SORCS3: variants seen among roughly 807,000 people sequenced by gnomAD.
SORCS3 encodes the protein sortilin related VPS10 domain containing receptor 3.
In SORCS3, 57 loss-of-function variants were observed where a neutral mutation model predicts 146.3. The ratio of observed to expected loss-of-function variants is 0.39; its 90% CI spans 0.31 to 0.49. SORCS3 has a LOEUF of 0.49. Among genes scored for constraint, SORCS3 ranks in the 20% least tolerant of loss-of-function variants. The pLI, the probability that SORCS3 is intolerant of heterozygous loss-of-function variation, is 0.92. For missense variants in SORCS3, 1,341 were observed against 1,575.5 expected (o/e 0.85, Z 2.52); for synonymous variants, 653 against 618.5 (o/e 1.06, Z -0.83).
chr10:105,056,547 A>G (rs1407738088), intron 5 of SORCS3, among the ~76,000 whole-genome samples: 1 of 152,182 alleles, frequency 6.6e-6, no homozygotes, highest in Non-Finnish European at 1.5e-5. Context: ...GTGCAAGAGA[A>G]TGGCATGATA....
intron 3 of SORCS3, among the ~76,000 whole-genome samples, chr10:104,940,238 A>ATATATATATATATATATATTT (rs1435205868): frequency 1.3e-4 from 4 of 31,518 alleles, no homozygotes; most frequent in Non-Finnish European, 2.4e-4. Flanking sequence ...ATATATATAT[A>ATATATATATATATATATATTT]TTTTTTTTTT....
chr10:105,087,178 A>G (rs1192922788), intron 5 of SORCS3, among the ~76,000 whole-genome samples: 6 of 152,174 alleles, frequency 3.9e-5, no homozygotes, highest in Non-Finnish European at 8.8e-5. Flanking sequence ...CAATTTATTA[A>G]ATAGGGAATC....
At position 104,945,566 on chromosome 10, in the gene SORCS3, CTT is replaced by C. The variant is rs10707282; in HGVS notation, c.795+29650_795+29651del. On this transcript the variant is annotated intron_variant, in intron 3 of 26. Coordinates refer to ENST00000369701, the MANE Select transcript of SORCS3 (RefSeq NM_014978.3). Reference sequence around the variant, plus strand: ...GAACCACTGTGCCCAGCCTAATGTTCTTTTTTTTTTTTTTTTTAATCATGGAA... The same window carrying C: ...GAACCACTGTGCCCAGCCTAATGTTCTTTTTTTTTTTTTTTAATCATGGAA... Among the ~76,000 whole-genome samples the C allele has an allele frequency of 8.0e-3, 1,081 of 134,992 alleles. 7 individuals carry two copies. Among genetic ancestry groups the C allele is most frequent in the African/African-American group, 0.02 (769 of 37,570 alleles). 88.6% of individuals were successfully genotyped at this position (134,992 alleles called of 152,430 possible).
chr10:105,139,677 G>A (rs940029517), intron 8 of SORCS3, among the ~76,000 whole-genome samples, 191 bp downstream of exon 8: 6 of 152,110 alleles, frequency 3.9e-5, no homozygotes, highest in Non-Finnish European at 8.8e-5. Flanking sequence ...TCTCAGCTGG[G>A]TACCAGCCAA....
chr10:104,925,611 G>A (rs2019137138), intron 3 of SORCS3, among the ~76,000 whole-genome samples: 1 of 152,130 alleles, frequency 6.6e-6, no homozygotes, highest in South Asian at 2.1e-4. Flanking sequence ...AGGCTTTTGG[G>A]TTTCTTTTTC....
At chr10:105,212,072 A>G in intron 17 of SORCS3, among the ~76,000 whole-genome samples, 1 of 152,200 alleles carries the variant, frequency 6.6e-6, no homozygotes, top group East Asian at 1.9e-4. Flanking sequence ...CATCTCAGTC[A>G]AGTTATTCAT....
intron 1 of SORCS3, among the ~76,000 whole-genome samples, chr10:104,716,742 G>C (rs929087459): frequency 4.6e-5 from 7 of 152,116 alleles, no homozygotes; most frequent in Non-Finnish European, 1.0e-4. Context: ...AATGTTTTGG[G>C]GTTGGGGGAG....
intron 6 of SORCS3, among the ~76,000 whole-genome samples, chr10:105,093,382 C>T (rs942355201): frequency 6.6e-5 from 10 of 152,128 alleles, no homozygotes; most frequent in African/African-American, 2.2e-4. Context: ...TAAAATTACA[C>T]TAACAGCAAA....
chr10:104,767,280 A>G (rs1311541369), intron 1 of SORCS3, among the ~76,000 whole-genome samples: 1 of 152,160 alleles, frequency 6.6e-6, no homozygotes, highest in African/African-American at 2.4e-5. Context: ...TTGTCCACTT[A>G]ATCTGTGCTG....
chr10:104,847,859 G>A (rs990870325), intron 2 of SORCS3, among the ~76,000 whole-genome samples: 7 of 152,000 alleles, frequency 4.6e-5, no homozygotes, highest in Admixed American at 1.3e-4. Context: ...CATTCTTCCT[G>A]TATGCCTGGC....
intron 8 of SORCS3, among the ~76,000 whole-genome samples, chr10:105,144,639 C>A (rs2056118138): frequency 6.6e-6 from 1 of 152,068 alleles, no homozygotes; most frequent in Admixed American, 6.6e-5. Flanking sequence ...ATGTCTGATG[C>A]TTTTCAAGTT....
chr10:105,146,849 C>G (rs2056134309), intron 8 of SORCS3, among the ~76,000 whole-genome samples: 1 of 152,044 alleles, frequency 6.6e-6, no homozygotes, highest in Non-Finnish European at 1.5e-5. Context: ...TTAGAATAGT[C>G]CCCAAAGAAA....
chr10:105,134,555 G>GA (rs71022755), intron 7 of SORCS3, among the ~76,000 whole-genome samples: 11,856 of 130,458 alleles, frequency 0.091, 576 homozygotes, highest in Middle Eastern at 0.13. Context: ...GGACAAAAAG[G>GA]AAAAAAAAAA....
At chr10:105,257,182 C>T (rs2056936730) in intron 25 of SORCS3, among the ~76,000 whole-genome samples, 1 of 152,136 alleles carries the variant, frequency 6.6e-6, no homozygotes, top group African/African-American at 2.4e-5. Flanking sequence ...AATTTATTAT[C>T]TTCAAGAGAA....
chr10:104,965,062 G>T (rs1489342469), intron 3 of SORCS3, among the ~76,000 whole-genome samples: 1 of 152,132 alleles, frequency 6.6e-6, no homozygotes, highest in East Asian at 1.9e-4. Flanking sequence ...TCCTAAGGCG[G>T]AATAATATTC....
chr10:105,070,931 T>A (rs772350390), intron 5 of SORCS3, among the ~76,000 whole-genome samples: 3 of 152,202 alleles, frequency 2.0e-5, no homozygotes, highest in Admixed American at 6.5e-5. Flanking sequence ...TAATTTGCCA[T>A]CATTAAGGAA....
At chr10:104,898,510 C>G (rs1023111409) in intron 2 of SORCS3, among the ~76,000 whole-genome samples, 5 of 152,060 alleles carry the variant, frequency 3.3e-5, no homozygotes, top group African/African-American at 1.2e-4. Flanking sequence ...ATTTCAAAAC[C>G]CTGGAACCTC....
intron 2 of SORCS3, among the ~76,000 whole-genome samples, chr10:104,899,275 A>G (rs748468904): frequency 6.6e-6 from 1 of 152,226 alleles, no homozygotes; most frequent in Non-Finnish European, 1.5e-5. Context: ...TGGCACATTA[A>G]AACTTACAGA....
chr10:104,644,207 C>T (rs1436165759), intron 1 of SORCS3, among the ~76,000 whole-genome samples: 1 of 152,250 alleles, frequency 6.6e-6, no homozygotes, highest in African/African-American at 2.4e-5. Context: ...ATTGGTTGTG[C>T]TCTTGGCCAG....
Sources: gnomAD v4.1 joint callset for allele counts (sites outside exome capture counted in the v4.1 genomes callset) on GRCh38, gnomAD v4.1.1 for gene constraint, MANE v1.5 for transcripts, NCBI Gene and HGNC (gene_info 2026-07-23, HGNC 2026-07-21) for gene names.